Variants in PECAM1 observed in about 807,000 individuals in gnomAD.
The protein encoded by PECAM1 is platelet endothelial cell adhesion molecule.
PECAM1 carries 8 observed loss-of-function variants against 13.8 expected under a neutral mutation model. That is an observed-to-expected ratio of 0.58 (90% CI 0.34 to 1.05). The LOEUF (loss-of-function observed/expected upper bound fraction) is 1.05, where lower values mean the gene tolerates loss of function less well. Ranked by LOEUF, PECAM1 falls within the 50% of genes least tolerant of loss-of-function variation. The probability of loss-of-function intolerance (pLI) is 0.03; values close to 1 mark genes in which losing one functional copy is unlikely to be tolerated. For synonymous variants in PECAM1, 136 were observed against 52.6 expected (o/e 2.58, Z -6.86); for missense variants, 304 against 141.2 (o/e 2.15, Z -5.84).
chr17:64,320,962 C>T lies in PECAM1; in HGVS notation c.*2854G>A, dbSNP rs2034802220. On this transcript the variant is annotated 3_prime_UTR_variant, in exon 16 of 16. Transcript: ENST00000563924. ...CAGCTGTGACAACCAAAAATGTCTCCAGACACCATTCCAAAACCAGCGGGA... is the reference window on the plus strand; with the variant it reads ...CAGCTGTGACAACCAAAAATGTCTCTAGACACCATTCCAAAACCAGCGGGA... The T allele has an allele frequency of 6.6e-6, 1 of 152,166 alleles. No individual in the cohort carries two copies. The highest frequency in any genetic ancestry group is 1.5e-5 in the Non-Finnish European group (1 of 68,052). 9.4% of individuals were successfully genotyped at this position (152,166 alleles called of 1,614,324 possible).
Position 64,356,295 on chromosome 17 carries a change from G to T in PECAM1, c.1596C>A (p.Ile532=), listed in dbSNP as rs2035844579. ...QCAVNEGSGP[I]TYKFYREKEG... is the part of the protein sequence containing the mutation. Reference sequence around the variant, plus strand: ...CTTTTTCTCTGTAAAACTTATAGGTGATGGGACCAGATCCTTCATTCACAG... The same window carrying T: ...CTTTTTCTCTGTAAAACTTATAGGTTATGGGACCAGATCCTTCATTCACAG... Residue 532 remains isoleucine (I), a synonymous_variant, in exon 8 of 16, where the codon ATC becomes ATA. Transcript: ENST00000563924. 5 of 474,504 alleles carry T rather than the reference G, an allele frequency of 1.1e-5. No individual in the cohort carries two copies. The highest frequency in any genetic ancestry group is 9.9e-5 in the African/African-American group (5 of 50,340). The allele number at this position is 474,504 out of a possible 1,614,324, so 29.4% of individuals were successfully genotyped here.
At chr17:64,385,973 G>A (rs2036584165) in intron 2 of PECAM1, among the ~76,000 whole-genome samples, 2 of 152,330 alleles carry the variant, frequency 1.3e-5, no homozygotes, top group South Asian at 4.1e-4. Flanking sequence ...TCCTGAGGGT[G>A]TCAGGAGGGG....
At chr17:64,355,381 C>T (rs1351531769) in intron 8 of PECAM1, among the ~76,000 whole-genome samples, 2 of 152,218 alleles carry the variant, frequency 1.3e-5, no homozygotes, top group Non-Finnish European at 2.9e-5. Flanking sequence ...GCCTCAACTT[C>T]CTGGGCTTGA....
At chr17:64,331,789 G>A (rs1396257535) in intron 14 of PECAM1, among the ~76,000 whole-genome samples, 1 of 152,248 alleles carries the variant, frequency 6.6e-6, no homozygotes, top group Non-Finnish European at 1.5e-5. Context: ...ACCCTGACTT[G>A]AAGACAGAGA....
At chr17:64,370,124 T>C in intron 4 of PECAM1, 99 bp from the exon 5 acceptor site, 3 of 397,942 alleles carry the variant, frequency 7.5e-6, no homozygotes, top group Non-Finnish European at 8.8e-6. Context: ...CAAACTTCTA[T>C]TGTTCCTAAC....
At chr17:64,346,187 C>A (rs1015028120) in intron 13 of PECAM1, among the ~76,000 whole-genome samples, 22 of 152,058 alleles carry the variant, frequency 1.4e-4, no homozygotes, top group Admixed American at 1.3e-3. Context: ...TCCCAGGGAG[C>A]TTCCCAGCTG....
intron 13 of PECAM1, among the ~76,000 whole-genome samples, chr17:64,347,818 C>T (rs1163169269): frequency 1.3e-5 from 2 of 149,650 alleles, no homozygotes; most frequent in East Asian, 3.9e-4. Context: ...GCCACCTCTG[C>T]CTTCCGGGTT....
rs1178471564 is a variant in PECAM1, at chr17:64,390,055, GA to G, written c.91+433del. 77 of 151,030 alleles carry G rather than the reference GA, an allele frequency of 5.1e-4. No homozygotes were observed. The East Asian group carries it at 5.2e-3, about 10-fold the overall frequency. 9.4% of individuals were successfully genotyped at this position (151,030 alleles called of 1,614,324 possible). A position where few individuals can be genotyped will look rare whatever the true frequency, so the allele number is the denominator to read the frequency against. ...AGAGACTCTGTCTCAAAAAAAAAAG[GA>G]AAAAAAAAAGAAAATGTGTGCTACT... On this transcript the variant is annotated intron_variant, in intron 2 of 15. Coordinates refer to ENST00000563924, the MANE Select transcript of PECAM1 (RefSeq NM_000442.5).
chr17:64,328,568 AC>A (rs1352570458), intron 15 of PECAM1, among the ~76,000 whole-genome samples: 1 of 152,220 alleles, frequency 6.6e-6, no homozygotes, highest in Non-Finnish European at 1.5e-5. Context: ...AAAAAAAACA[AC>A]CATTCATTTC....
In PECAM1 at chr17:64,363,285, C is replaced by A. The variant is rs2036028010; in HGVS notation, c.1080G>T (p.Gln360His). ...PGAPPANFTI[Q>H]KEDTIVSQTQ... ...TCTGTGACACAATCGTATCTTCCTT[C>A]TGGATGGTGAAGTTGGCTGGAGGTG... is the stretch of plus-strand genomic sequence containing the variant. The change falls in exon 6 of 16, where the codon CAG (glutamine) becomes CAT (histidine). Residue 360 changes from glutamine to histidine, a missense_variant. Transcript: ENST00000563924. 2.1e-6 allele frequency: 1 copy of A among 475,318 alleles called. No individual in the cohort carries two copies. The highest frequency in any genetic ancestry group is 3.9e-6 in the Non-Finnish European group (1 of 259,110). The allele number at this position is 475,318 out of a possible 1,614,324, so 29.4% of individuals were successfully genotyped here.
intron 5 of PECAM1, among the ~76,000 whole-genome samples, chr17:64,364,474 G>A (rs1408326590): frequency 1.3e-5 from 2 of 152,158 alleles, no homozygotes; most frequent in African/African-American, 2.4e-5. Context: ...AGGATGATGA[G>A]GCCAGCATCA....
At chr17:64,372,515 T>G (rs999786229) in intron 4 of PECAM1, among the ~76,000 whole-genome samples, 6 of 152,114 alleles carry the variant, frequency 3.9e-5, no homozygotes, top group African/African-American at 1.2e-4. Flanking sequence ...AAGTTTTTGT[T>G]GTTGTTTTGA....
At position 64,322,016 on chromosome 17, in the gene PECAM1, C is replaced by G; in HGVS notation, c.*1800G>C. ...AAACCTGGAAATTGTATGACATTTT[C>G]GTGATACAACTCGGTGTGTGTGTGT... is the stretch of plus-strand genomic sequence containing the variant. On this transcript the variant is annotated 3_prime_UTR_variant, in exon 16 of 16. Transcript: ENST00000563924. 1 of 1,220,136 alleles carries G rather than the reference C, an allele frequency of 8.2e-7. No homozygotes were observed. Among genetic ancestry groups the G allele is most frequent in the Non-Finnish European group, 1.1e-6 (1 of 947,686 alleles). 75.6% of individuals were successfully genotyped at this position (1,220,136 alleles called of 1,614,324 possible).
At chr17:64,351,203 A>G (rs1242028753) in intron 11 of PECAM1, among the ~76,000 whole-genome samples, 3 of 152,112 alleles carry the variant, frequency 2.0e-5, no homozygotes, top group Admixed American at 1.3e-4. Flanking sequence ...TAAACAATAT[A>G]TTTGCTCGTT....
intron 14 of PECAM1, among the ~76,000 whole-genome samples, chr17:64,337,003 A>AAG (rs1212203713): frequency 2.6e-5 from 4 of 151,996 alleles, no homozygotes; most frequent in Non-Finnish European, 5.9e-5. Context: ...GAGAGAAAGA[A>AAG]AGAGAGAGAG....
chr17:64,367,609 A>G (rs2036140033), intron 5 of PECAM1, among the ~76,000 whole-genome samples: 1 of 151,972 alleles, frequency 6.6e-6, no homozygotes. Flanking sequence ...GGAATCATGG[A>G]AAGGCCTGTT....
intron 3 of PECAM1, among the ~76,000 whole-genome samples, chr17:64,376,008 A>C (rs964338814): frequency 1.2e-4 from 18 of 152,138 alleles, no homozygotes; most frequent in Admixed American, 7.9e-4. Flanking sequence ...TGGGTCCACC[A>C]AAATCACCAC....
rs1232390895 is a variant in PECAM1, at chr17:64,322,342, C to T, written c.*1474G>A. The stretch of plus-strand genomic sequence containing the variant: ...CGGAGGTTGCAGTGAGCAGAGGTTG[C>T]GCCGCTGCAGTCCAGCCCGGGCAAC... On this transcript the variant is annotated 3_prime_UTR_variant, in exon 16 of 16. Coordinates refer to ENST00000563924, the MANE Select transcript of PECAM1 (RefSeq NM_000442.5). 1.5e-5 allele frequency: 13 copies of T among 846,752 alleles called. No individual in the cohort carries two copies. Among genetic ancestry groups the T allele is most frequent in the Admixed American group, 6.2e-5 (1 of 16,258 alleles). 52.5% of individuals were successfully genotyped at this position (846,752 alleles called of 1,614,324 possible).
chr17:64,385,736 A>T (rs1238205747), intron 2 of PECAM1, among the ~76,000 whole-genome samples: 1 of 152,178 alleles, frequency 6.6e-6, no homozygotes, highest in Non-Finnish European at 1.5e-5. Context: ...GAGGTCAAGG[A>T]GTCTGAAGGA....
Sources: allele counts gnomAD v4.1 joint callset (sites outside exome capture counted in the v4.1 genomes callset), GRCh38; gene constraint gnomAD v4.1.1; transcripts MANE v1.5; gene names NCBI Gene and HGNC (gene_info 2026-07-23, HGNC 2026-07-21).